SLC12A2: variants seen among roughly 807,000 people sequenced by gnomAD.
The protein encoded by SLC12A2 is Na-K-2Cl cotransporter 1.
A neutral mutation model predicts 136.3 loss-of-function variants in SLC12A2; 67 were observed. The ratio of observed to expected loss-of-function variants is 0.49; its 90% CI spans 0.40 to 0.60. The LOEUF (loss-of-function observed/expected upper bound fraction) is 0.60. Ranked by LOEUF, SLC12A2 falls within the 20% of genes least tolerant of loss-of-function variation. The pLI is 0.00. For synonymous variants in SLC12A2, 619 were observed against 562.9 expected, an observed-to-expected ratio of 1.10 and a Z score of -1.41; for missense variants, 1,322 against 1,534.7, an observed-to-expected ratio of 0.86 and a Z score of 2.32.
At chr5:128,182,765 T>C (rs1763744401) in intron 23 of SLC12A2, 90 bp from the exon 24 acceptor site, 5 of 871,214 alleles carry the variant, frequency 5.7e-6, no homozygotes, top group Non-Finnish European at 9.0e-6. Context: ...AGACTGACTT[T>C]TTCTATAAAT....
At chr5:128,158,395 C>T (rs1401255828) in intron 16 of SLC12A2, among the ~76,000 whole-genome samples, 1 of 152,076 alleles carries the variant, frequency 6.6e-6, no homozygotes, top group African/African-American at 2.4e-5. Flanking sequence ...TGGTTCCCTT[C>T]TTTGTATCCA....
At chr5:128,146,264 A>G (rs985804506) in intron 10 of SLC12A2, among the ~76,000 whole-genome samples, 1 of 151,886 alleles carries the variant, frequency 6.6e-6, no homozygotes, top group African/African-American at 2.4e-5. Context: ...AAATACTGTT[A>G]TTTAAATATA....
chr5:128,098,451 A>G (rs948611950), intron 1 of SLC12A2, among the ~76,000 whole-genome samples: 4 of 149,694 alleles, frequency 2.7e-5, no homozygotes, highest in Non-Finnish European at 4.4e-5. Flanking sequence ...TATGGGCCAC[A>G]TGGAGGAAAT....
chr5:128,143,153 C>T (rs929357552), intron 10 of SLC12A2, among the ~76,000 whole-genome samples: 21 of 152,160 alleles, frequency 1.4e-4, no homozygotes, highest in African/African-American at 2.2e-4. Flanking sequence ...TCAGCATATA[C>T]GTCCTGTATG....
At chr5:128,150,623 T>C (rs190963257) in intron 13 of SLC12A2, among the ~76,000 whole-genome samples, 2 of 151,796 alleles carry the variant, frequency 1.3e-5, no homozygotes, top group African/African-American at 4.8e-5. Flanking sequence ...ATAAATTCTA[T>C]TGAAATTATT....
In SLC12A2 at chr5:128,158,194, G is replaced by C. The variant is rs761735887; in HGVS notation, c.2475+30G>C. 1.3e-5 allele frequency: 19 copies of C among 1,519,030 alleles called. No homozygotes were observed. The Admixed American group carries it at 3.4e-4, about 27-fold the overall frequency. The allele number at this position is 1,519,030 out of a possible 1,614,324, so 94.1% of individuals were successfully genotyped here. A position where few individuals can be genotyped will look rare whatever the true frequency, so the allele number is the denominator to read the frequency against. On this transcript the variant is annotated intron_variant, in intron 16 of 26. Coordinates refer to ENST00000262461, the MANE Select transcript of SLC12A2 (RefSeq NM_001046.3). ...GTATCAATTTTGTTTTCTTTTTCAA[G>C]TTTTTTTTTAAAGTTTTATTTTAGG... is the stretch of plus-strand genomic sequence containing the variant.
At chr5:128,112,499 G>A (rs1358504245) in intron 1 of SLC12A2, among the ~76,000 whole-genome samples, 2 of 152,168 alleles carry the variant, frequency 1.3e-5, no homozygotes, top group African/African-American at 2.4e-5. Context: ...GATCGACTTA[G>A]CTACCCTGTA....
chr5:128,092,765 T>TGATTACTATA (rs1229301719), intron 1 of SLC12A2, among the ~76,000 whole-genome samples: 3 of 152,200 alleles, frequency 2.0e-5, no homozygotes, highest in African/African-American at 7.2e-5. Flanking sequence ...TTGTGACCTT[T>TGATTACTATA]GATTACTATA....
In SLC12A2 at chr5:128,138,887, G is replaced by A. The variant is rs377357368; in HGVS notation, c.1600G>A (p.Val534Ile). 46 of 1,612,024 alleles carry A rather than the reference G, an allele frequency of 2.9e-5. No individual in the cohort carries two copies. The South Asian group carries it at 4.0e-4, about 14-fold the overall frequency. Residue 534 changes from valine to isoleucine, a missense_variant, in exon 9 of 27, where the codon GTA becomes ATA. Transcript: ENST00000262461. ...CATTTTAATTACTACATTGGTTTAC[G>A]TAGGAATTGCAGTATCTGTAGGTAA... ...LAILITTLVY[V>I]GIAVSVGSCV... is the part of the protein sequence containing the mutation.
At chr5:128,134,116 T>G in intron 5 of SLC12A2, 49 bp from the exon 6 acceptor site, 1 of 956,284 alleles carries the variant, frequency 1.0e-6, no homozygotes, top group Non-Finnish European at 1.7e-6. Context: ...TGTGAATGTG[T>G]ATAAAAATAA....
At chr5:128,102,965 A>C (rs926194010) in intron 1 of SLC12A2, among the ~76,000 whole-genome samples, 43 of 152,228 alleles carry the variant, frequency 2.8e-4, no homozygotes, top group African/African-American at 9.9e-4. Flanking sequence ...GATTGTATGA[A>C]TATTCTACAG....
At chr5:128,148,985 GTA>G in intron 12 of SLC12A2, 108 bp downstream of exon 12, 1 of 987,268 alleles carries the variant, frequency 1.0e-6, no homozygotes. Context: ...AAGTTTCTTT[GTA>G]ATCAAAGAAA....
intron 1 of SLC12A2, chr5:128,109,499 T>C: frequency 1.7e-6 from 1 of 573,796 alleles, no homozygotes; most frequent in East Asian, 3.4e-5. Context: ...TTTAGCATTT[T>C]GCTGCTTTAT....
rs1763249980 is a variant in SLC12A2, at chr5:128,167,830, G to C, written c.2686G>C (p.Asp896His). 1 of 1,606,362 alleles carries C rather than the reference G, an allele frequency of 6.2e-7. No individual in the cohort carries two copies. ...LGFKKDWLQA[D>H]MRDVDMYINL... ...ATTTAAGAAAGATTGGTTGCAAGCAGATATGAGGGATGTGGATATGTATAT... is the reference window on the plus strand; with the variant it reads ...ATTTAAGAAAGATTGGTTGCAAGCACATATGAGGGATGTGGATATGTATAT... The change falls in exon 18 of 27, where the codon GAT becomes CAT. Residue 896 changes from aspartate to histidine, a missense_variant. Around this residue, in one of 8 missense-constraint regions of SLC12A2, gnomAD observed 226 missense variants for 210.4 expected, o/e 1.07. Transcript: ENST00000262461.
intron 15 of SLC12A2, among the ~76,000 whole-genome samples, chr5:128,153,154 T>G (rs940184156): frequency 6.6e-6 from 1 of 152,232 alleles, no homozygotes; most frequent in Non-Finnish European, 1.5e-5. Flanking sequence ...TTGTTAGTTG[T>G]GTCTTAATTA....
At chr5:128,157,765 T>A (rs990624014) in intron 15 of SLC12A2, among the ~76,000 whole-genome samples, 8 of 152,184 alleles carry the variant, frequency 5.3e-5, no homozygotes, top group African/African-American at 1.7e-4. Flanking sequence ...TGTTATATAT[T>A]TTTTTAACTA....
intron 1 of SLC12A2, among the ~76,000 whole-genome samples, chr5:128,092,361 A>G (rs1760361805): frequency 1.3e-5 from 2 of 152,298 alleles, no homozygotes; most frequent in Non-Finnish European, 1.5e-5. Context: ...GAATTGGGCT[A>G]TAGGGCTGAC....
intron 26 of SLC12A2, among the ~76,000 whole-genome samples, chr5:128,185,958 C>G (rs1325670558): frequency 1.3e-5 from 2 of 152,080 alleles, no homozygotes; most frequent in Non-Finnish European, 2.9e-5. Flanking sequence ...CACCTGTAGT[C>G]TCAGCTACTT....
chr5:128,110,738 A>T, intron 1 of SLC12A2: 1 of 1,457,864 alleles, frequency 6.9e-7, no homozygotes, highest in South Asian at 1.1e-5. Flanking sequence ...AACCTGAGCG[A>T]TCTGCTAGAA....
Sources: allele counts gnomAD v4.1 joint callset (sites outside exome capture counted in the v4.1 genomes callset), GRCh38; gene constraint gnomAD v4.1.1; regional missense constraint gnomAD v4.1.1; transcripts MANE v1.5; gene names NCBI Gene and HGNC (gene_info 2026-07-23, HGNC 2026-07-21).